MEGF10: variants seen among roughly 807,000 people sequenced by gnomAD.
The protein encoded by MEGF10 is multiple epidermal growth factor-like domains protein 10.
A neutral mutation model predicts 147.5 loss-of-function variants in MEGF10; 86 were observed. The ratio of observed to expected loss-of-function variants is 0.58; its 90% CI spans 0.49 to 0.70. The LOEUF (loss-of-function observed/expected upper bound fraction) is 0.70. MEGF10 is among the 30% of genes least tolerant of loss of function. MEGF10 has a pLI of 0.00. For missense variants in MEGF10, 1,329 were observed against 1,487.3 expected, an observed-to-expected ratio of 0.89 and a Z score of 1.75; for synonymous variants, 478 against 525.5, an observed-to-expected ratio of 0.91 and a Z score of 1.24.
At chr5:127,389,703 A>G (rs1435305210) in intron 5 of MEGF10, among the ~76,000 whole-genome samples, 1 of 152,220 alleles carries the variant, frequency 6.6e-6, no homozygotes, top group Non-Finnish European at 1.5e-5. Context: ...TCTCATTTAT[A>G]AGTGGGAGCT....
Position 127,457,158 on chromosome 5 carries a change from T to A in MEGF10, c.3263T>A (p.Phe1088Tyr). Residue 1088 changes from phenylalanine to tyrosine, a missense_variant, in exon 25 of 25, where the codon TTC becomes TAC. Coordinates refer to ENST00000503335, the MANE Select transcript of MEGF10 (RefSeq NM_001256545.2). ...EPTVSVVQGV[F>Y]SNNGRLSQDP... is the part of the protein sequence containing the mutation. Reference sequence around the variant, plus strand: ...ACAGTGAGTGTTGTCCAAGGAGTATTCAGCAATAATGGGCGTCTCTCCCAG... The same window carrying A: ...ACAGTGAGTGTTGTCCAAGGAGTATACAGCAATAATGGGCGTCTCTCCCAG... 2 of 1,613,926 alleles carry A rather than the reference T, an allele frequency of 1.2e-6. No individual in the cohort carries two copies. The highest frequency in any genetic ancestry group is 3.3e-5 in the Admixed American group (2 of 59,998).
intron 1 of MEGF10, among the ~76,000 whole-genome samples, chr5:127,308,451 A>G (rs1193457181): frequency 6.6e-6 from 1 of 152,192 alleles, no homozygotes; most frequent in Non-Finnish European, 1.5e-5. Flanking sequence ...AGTGGCTGCG[A>G]AATGCTTGAC....
At chr5:127,266,906 G>A in the MEGF10 span, among the ~76,000 whole-genome samples, 13 of 152,118 alleles carry the variant, frequency 8.5e-5, no homozygotes, top group Admixed American at 5.2e-4. Flanking sequence ...AATTGAATAC[G>A]CTTTATTTCT....
intron 9 of MEGF10, among the ~76,000 whole-genome samples, chr5:127,411,502 G>A (rs1764560030): frequency 6.6e-6 from 1 of 152,100 alleles, no homozygotes; most frequent in Non-Finnish European, 1.5e-5. Flanking sequence ...CGTGTGGTTG[G>A]TCTCTTCTTT....
intron 22 of MEGF10, among the ~76,000 whole-genome samples, chr5:127,450,879 C>T (rs1320147287): frequency 6.6e-6 from 1 of 152,112 alleles, no homozygotes; most frequent in Non-Finnish European, 1.5e-5. Flanking sequence ...CTGCCTTAGC[C>T]TCCCAAGCAG....
At chr5:127,267,809 C>T in the MEGF10 span, among the ~76,000 whole-genome samples, 6 of 152,050 alleles carry the variant, frequency 3.9e-5, no homozygotes, top group Non-Finnish European at 5.9e-5. Context: ...TGATTCTTCT[C>T]TCTTTTCTTC....
At chr5:127,389,733 A>G (rs1763572995) in intron 5 of MEGF10, among the ~76,000 whole-genome samples, 1 of 152,140 alleles carries the variant, frequency 6.6e-6, no homozygotes, top group Admixed American at 6.5e-5. Flanking sequence ...GAACACATGG[A>G]CACATAAAGA....
intron 7 of MEGF10, 75 bp downstream of exon 7, chr5:127,398,871 A>G (rs947000294): frequency 6.3e-7 from 1 of 1,585,778 alleles, no homozygotes; most frequent in African/African-American, 1.3e-5. Flanking sequence ...ATACACATGC[A>G]GGAGACTTTA....
intron 6 of MEGF10, among the ~76,000 whole-genome samples, chr5:127,397,406 A>T (rs1019259827): frequency 6.6e-6 from 1 of 152,224 alleles, no homozygotes; most frequent in East Asian, 1.9e-4. Context: ...GCAACTACTT[A>T]ACCTCCACTG....
upstream of MEGF10, among the ~76,000 whole-genome samples, chr5:127,286,609 T>A (rs143470360): frequency 2.3e-4 from 35 of 151,886 alleles, no homozygotes; most frequent in Non-Finnish European, 4.0e-4. Context: ...TAATTTTAAA[T>A]GCTTGTATAA....
In MEGF10 at chr5:127,457,939, T is replaced by G. The variant is rs1392238989; in HGVS notation, c.*621T>G. 6.6e-6 allele frequency: 1 copy of G among 152,222 alleles called. No individual in the cohort carries two copies. The highest frequency in any genetic ancestry group is 2.4e-5 in the African/African-American group (1 of 41,430). The allele number at this position is 152,222 out of a possible 1,614,324, so 9.4% of individuals were successfully genotyped here. ...ATTTACGAAAATCTTAGATTTTGTT[T>G]AGAATGAGAAAATATACAATTAGAA... On this transcript the variant is annotated 3_prime_UTR_variant, in exon 25 of 25. Coordinates refer to ENST00000503335, the MANE Select transcript of MEGF10 (RefSeq NM_001256545.2).
At chr5:127,401,867 C>A (rs1016113579) in intron 7 of MEGF10, among the ~76,000 whole-genome samples, 4 of 152,112 alleles carry the variant, frequency 2.6e-5, no homozygotes, top group African/African-American at 9.7e-5. Flanking sequence ...ACGTTACTCT[C>A]TTGGTTTTTC....
At chr5:127,341,257 A>G (rs1466149920) in intron 4 of MEGF10, among the ~76,000 whole-genome samples, 1 of 152,186 alleles carries the variant, frequency 6.6e-6, no homozygotes, top group Non-Finnish European at 1.5e-5. Flanking sequence ...GCAGTTTGCA[A>G]TTGAGATTTC....
the MEGF10 span, among the ~76,000 whole-genome samples, chr5:127,273,351 G>GA: frequency 1.3e-5 from 2 of 151,110 alleles, no homozygotes; most frequent in African/African-American, 2.4e-5. Flanking sequence ...GCTGCATGTC[G>GA]AAAAAAAAAC....
At chr5:127,424,479 T>C (rs1765143073) in intron 13 of MEGF10, 1 of 1,394,068 alleles carries the variant, frequency 7.2e-7, no homozygotes, top group Non-Finnish European at 9.6e-7. Flanking sequence ...CACTTAACAA[T>C]ATGAAGTCTT....
At chr5:127,310,090 C>T (rs938014402) in intron 1 of MEGF10, among the ~76,000 whole-genome samples, 5 of 144,362 alleles carry the variant, frequency 3.5e-5, no homozygotes, top group Admixed American at 1.4e-4. Flanking sequence ...TTCTTTGTTT[C>T]GGAGGGGGTG....
At chr5:127,350,322 C>A (rs949024463) in intron 4 of MEGF10, among the ~76,000 whole-genome samples, 8 of 152,154 alleles carry the variant, frequency 5.3e-5, no homozygotes, top group Non-Finnish European at 1.2e-4. Context: ...AGAATTTTGA[C>A]CTTGTTCCTA....
the MEGF10 span, among the ~76,000 whole-genome samples, chr5:127,247,443 GAAGAAGAAGAAGAAGAA>G: frequency 1.7e-5 from 2 of 118,208 alleles, no homozygotes; most frequent in African/African-American, 7.9e-5. Context: ...AGAAGAAGAA[GAAGAAGAAGAAGAAGAA>G]GAAGAAGAAG....
chr5:127,292,930 C>T (rs1759325322), intron 1 of MEGF10, among the ~76,000 whole-genome samples: 1 of 152,194 alleles, frequency 6.6e-6, no homozygotes, highest in South Asian at 2.1e-4. Flanking sequence ...TGTGACCTAG[C>T]ACTCTATAAA....
Sources: gnomAD v4.1 joint callset for allele counts (sites outside exome capture counted in the v4.1 genomes callset) on GRCh38, gnomAD v4.1.1 for gene constraint, MANE v1.5 for transcripts, NCBI Gene and HGNC (gene_info 2026-07-23, HGNC 2026-07-21) for gene names.